Variants in CLK3 observed in about 807,000 individuals in gnomAD.
The protein encoded by CLK3 is dual specificity protein kinase CLK3.
Under a neutral mutation model 65.2 loss-of-function variants are expected in CLK3, and 24 were observed. The ratio of observed to expected loss-of-function variants is 0.37; its 90% confidence interval spans 0.27 to 0.52. The LOEUF (loss-of-function observed/expected upper bound fraction) is 0.52. Among genes scored for constraint, CLK3 ranks in the 20% least tolerant of loss-of-function variants. CLK3 has a pLI of 0.92. For missense variants in CLK3, 506 were observed against 660.0 expected (o/e 0.77, Z 2.56); for synonymous variants, 252 against 240.8 (o/e 1.05, Z -0.43).
chr15:74,627,859 G>A lies in CLK3; in HGVS notation c.1043-111G>A, dbSNP rs747022933. 2.9e-5 allele frequency: 34 copies of A among 1,187,624 alleles called. No individual in the cohort carries two copies. Among genetic ancestry groups the A allele is most frequent in the Middle Eastern group, 3.8e-4 (2 of 5,198 alleles). 73.6% of individuals were successfully genotyped at this position (1,187,624 alleles called of 1,614,324 possible). On this transcript the variant is annotated intron_variant, in intron 9 of 12. Transcript: ENST00000395066. The surrounding 1 kb of genome is among the most constrained non-coding windows in gnomAD (Gnocchi z 4.3). ...GTCAGCCTTACTGAGAGAGGGCCTCGTACTGGGATTTGGGCAAGAGTCCTG... is the reference window on the plus strand; with the variant it reads ...GTCAGCCTTACTGAGAGAGGGCCTCATACTGGGATTTGGGCAAGAGTCCTG...
At position 74,625,926 on chromosome 15, in the gene CLK3, CAT is replaced by C. The variant is rs2062140472; in HGVS notation, c.776_777del (p.His259ArgfsTer13). The C allele has an allele frequency of 6.2e-7, 1 of 1,614,058 alleles. No individual in the cohort carries two copies. Among genetic ancestry groups the C allele is most frequent in the Non-Finnish European group, 8.5e-7 (1 of 1,180,016 alleles). ...TAACTTCCAGCCTTACCCCCTACCA[CAT>C]GTCCGGCACATGGCCTACCAGCTCT... ...ENNFQPYPLP[H>X]VRHMAYQLCH... is the part of the protein sequence containing the mutation. On this transcript the variant is annotated frameshift_variant, in exon 7 of 13. Transcript: ENST00000395066. LOFTEE classifies it high-confidence loss of function.
upstream of CLK3, among the ~76,000 whole-genome samples, chr15:74,614,629 G>T (rs1013271691): frequency 1.3e-5 from 2 of 152,240 alleles, no homozygotes; most frequent in African/African-American, 4.8e-5. Flanking sequence ...AGGGAGAGCC[G>T]CTGGCGAAGG....
Position 74,622,390 on chromosome 15 carries a change from A to C in CLK3, c.467-104A>C, listed in dbSNP as rs2062110706. 5.5e-6 allele frequency: 6 copies of C among 1,083,054 alleles called. No individual in the cohort carries two copies. The highest frequency in any genetic ancestry group is 6.8e-6 in the Non-Finnish European group (5 of 730,204). 67.1% of individuals were successfully genotyped at this position (1,083,054 alleles called of 1,614,324 possible). On this transcript the variant is annotated intron_variant, in intron 4 of 12. Coordinates refer to ENST00000395066, the MANE Select transcript of CLK3 (RefSeq NM_001130028.2). This position sits in a 1 kb window ranked among gnomAD's most constrained non-coding sequence, Gnocchi z 4.6. ...CCATTTTTAAGAGTGTAGCAGTGAGAGAGAAACCTTTTTTGTTTTTGAGAA... is the reference window on the plus strand; with the variant it reads ...CCATTTTTAAGAGTGTAGCAGTGAGCGAGAAACCTTTTTTGTTTTTGAGAA...
rs1196347030 is a variant in CLK3, at chr15:74,628,933, A to G, written c.1206-9A>G. The G allele has an allele frequency of 1.2e-6, 2 of 1,602,834 alleles. No individual in the cohort carries two copies. The highest frequency in any genetic ancestry group is 2.2e-5 in the South Asian group (2 of 90,854). On this transcript the variant is annotated splice_polypyrimidine_tract_variant and intron_variant, in intron 11 of 12. Coordinates refer to ENST00000395066, the MANE Select transcript of CLK3 (RefSeq NM_001130028.2). ...CTCCCACACTTGACTCCACCCCCTT[A>G]ATTTTCAGGAAGCAGAAATATTTCT...
At chr15:74,628,859 T>C (rs1336096672) in intron 11 of CLK3, 83 bp from the exon 12 acceptor site, 1 of 1,119,366 alleles carries the variant, frequency 8.9e-7, no homozygotes, top group African/African-American at 1.5e-5. Context: ...TGCTGCTGTC[T>C]TGGGAGCTGC....
chr15:74,617,258 T>A lies in CLK3; in HGVS notation c.-1+1360T>A, dbSNP rs377196128. On this transcript the variant is annotated intron_variant, in intron 1 of 12. Coordinates refer to ENST00000395066, the MANE Select transcript of CLK3 (RefSeq NM_001130028.2). ...GGTATGTGACAGCACTAGGATTTAG[T>A]TTAGTTTTCTGCCAGAGCTCTTGCC... Among the ~76,000 whole-genome samples the A allele has an allele frequency of 1.1e-4, 16 of 152,292 alleles. No homozygotes were observed. In the East Asian group the frequency reaches 2.9e-3, roughly 28 times the overall value.
upstream of CLK3, chr15:74,613,062 G>T (rs2141529324): frequency 6.6e-6 from 1 of 152,484 alleles, no homozygotes; most frequent in South Asian, 2.1e-4. Context: ...GCTCAGAGGT[G>T]AATTAACTGC....
At chr15:74,615,178 C>T, upstream of CLK3, 8 of 376,020 alleles carry the variant, frequency 2.1e-5, no homozygotes, top group Non-Finnish European at 2.8e-5. Flanking sequence ...GCCACGCAGG[C>T]CGGCAGGAAG....
chr15:74,615,497 GC>G, upstream of CLK3: 1 of 1,309,818 alleles, frequency 7.6e-7, no homozygotes, highest in Admixed American at 3.8e-5. Flanking sequence ...GGCGGACCAC[GC>G]GGGGTCGGGG....
intron 6 of CLK3, 145 bp downstream of exon 6, chr15:74,625,163 C>G (rs2062133717): frequency 3.1e-6 from 2 of 647,818 alleles, no homozygotes; most frequent in African/African-American, 3.6e-5. Flanking sequence ...TTGCTGGAAG[C>G]CTTTAGACTG....
chr15:74,615,556 G>A (rs2062047164), upstream of CLK3: 1 of 1,270,680 alleles, frequency 7.9e-7, no homozygotes, highest in Non-Finnish European at 9.9e-7. Context: ...CCCACCTCTC[G>A]GCTCTGAGAG....
chr15:74,622,282 C>G lies in CLK3; in HGVS notation c.466+66C>G. On this transcript the variant is annotated intron_variant, in intron 4 of 12. Transcript: ENST00000395066. The surrounding 1 kb of genome is among the most constrained non-coding windows in gnomAD (Gnocchi z 4.6). ...ACCCCCCTTGTTAGACGAGACCTCTCCTGCCTGGAGGGGCCTCTAGTGCGC... is the reference window on the plus strand; with the variant it reads ...ACCCCCCTTGTTAGACGAGACCTCTGCTGCCTGGAGGGGCCTCTAGTGCGC... 6.7e-7 allele frequency: 1 copy of G among 1,500,402 alleles called. No homozygotes were observed. Among genetic ancestry groups the G allele is most frequent in the Non-Finnish European group, 9.2e-7 (1 of 1,089,440 alleles). 92.9% of individuals were successfully genotyped at this position (1,500,402 alleles called of 1,614,324 possible).
rs375125545 is a variant in CLK3, at chr15:74,620,050, G to A, written c.194G>A (p.Arg65His). The A allele has an allele frequency of 2.0e-5, 32 of 1,614,088 alleles. No individual in the cohort carries two copies. The highest frequency in any genetic ancestry group is 6.7e-5 in the East Asian group (3 of 44,896). ...TACCAGAGGAGGTACCGGGAGCGCC[G>A]TGACAGCGATACATACCGGTGTGAA... Reference protein sequence around the residue: ...LPYQRRYRERRDSDTYRCEER... With the variant: ...LPYQRRYRERHDSDTYRCEER... The change falls in exon 3 of 13, where the codon CGT becomes CAT. Residue 65 changes from arginine (R) to histidine (H), a missense_variant. Coordinates refer to ENST00000395066, the MANE Select transcript of CLK3 (RefSeq NM_001130028.2).
At position 74,621,859 on chromosome 15, in the gene CLK3, C is replaced by T. The variant is rs1286024512; in HGVS notation, c.370-261C>T. 6.3e-5 allele frequency: 30 copies of T among 474,110 alleles called. No individual in the cohort carries two copies. The highest frequency in any genetic ancestry group is 4.4e-4 in the South Asian group (24 of 54,272). 29.4% of individuals were successfully genotyped at this position (474,110 alleles called of 1,614,324 possible). A position where few individuals can be genotyped will look rare whatever the true frequency, so the allele number is the denominator to read the frequency against. ...TGGCGCTCCTCTTAAAGATAATGTCCGAGTTTTCTTTACATACCTGTAGCT... is the reference window on the plus strand; with the variant it reads ...TGGCGCTCCTCTTAAAGATAATGTCTGAGTTTTCTTTACATACCTGTAGCT... On this transcript the variant is annotated intron_variant, in intron 3 of 12. Transcript: ENST00000395066. This position sits in a 1 kb window ranked among gnomAD's most constrained non-coding sequence, Gnocchi z 4.8.
At chr15:74,628,534 T>C in intron 10 of CLK3, 70 bp from the exon 11 acceptor site, 5 of 1,158,450 alleles carry the variant, frequency 4.3e-6, no homozygotes, top group Non-Finnish European at 6.3e-6. Context: ...CCATCTTTCT[T>C]GTTCCTTTTT....
At chr15:74,612,141 G>A (rs1317680806), upstream of CLK3, among the ~76,000 whole-genome samples, 1 of 152,216 alleles carries the variant, frequency 6.6e-6, no homozygotes, top group Non-Finnish European at 1.5e-5. Context: ...GTCCGGCAGG[G>A]AGTCCCGTGA....
In CLK3 at chr15:74,619,278, C is replaced by T. The variant is rs749982756; in HGVS notation, c.82C>T (p.Arg28Trp). The T allele has an allele frequency of 1.7e-5, 28 of 1,614,002 alleles. No homozygotes were observed. Among genetic ancestry groups the T allele is most frequent in the Admixed American group, 3.3e-5 (2 of 60,006 alleles). Residue 28 changes from arginine to tryptophan, a missense_variant, in exon 2 of 13, where the codon CGG becomes TGG. Coordinates refer to ENST00000395066, the MANE Select transcript of CLK3 (RefSeq NM_001130028.2). ...ATGGAAGAGGAGGAGGTCCTACAGT[C>T]GGGAACATGAAGGGAGACTGCGATA... ...YRWKRRRSYSREHEGRLRYPS... is the reference protein window; with the variant it reads ...YRWKRRRSYSWEHEGRLRYPS...
Position 74,628,596 on chromosome 15 carries a change from T to C in CLK3, c.1126-8T>C, listed in dbSNP as rs544291528. The C allele has an allele frequency of 6.2e-6, 10 of 1,611,320 alleles. No homozygotes were observed. In the African/African-American group the frequency reaches 9.3e-5, roughly 15 times the overall value. On this transcript the variant is annotated splice_polypyrimidine_tract_variant and splice_region_variant and intron_variant, in intron 10 of 12. Transcript: ENST00000395066. ...TGACCCCCTTGCACTGTCCCTAATC[T>C]TCCACAGACCCACGAAAACCGAGAG...
rs2062164171 is a variant in CLK3, at chr15:74,628,694, C to T, written c.1205+11C>T. ...GATCCACCGTACCAGGTAAGGACCC[C>T]AGTAGCCCCCTCAGGGTTGGTATAG... On this transcript the variant is annotated intron_variant, in intron 11 of 12. Coordinates refer to ENST00000395066, the MANE Select transcript of CLK3 (RefSeq NM_001130028.2). 1.9e-6 allele frequency: 3 copies of T among 1,605,676 alleles called. No homozygotes were observed. The highest frequency in any genetic ancestry group is 1.3e-5 in the African/African-American group (1 of 74,522).
Sources: allele counts gnomAD v4.1 joint callset (sites outside exome capture counted in the v4.1 genomes callset), GRCh38; gene constraint gnomAD v4.1.1; non-coding constraint Gnocchi (gnomAD v3.1); transcripts MANE v1.5; gene names NCBI Gene and HGNC (gene_info 2026-07-23, HGNC 2026-07-21).